Variants in FSTL4 observed in about 807,000 individuals in gnomAD.
FSTL4 encodes follistatin like 4.
FSTL4 carries 28 observed loss-of-function variants against 78.2 expected under a neutral mutation model. That is an observed-to-expected ratio of 0.36 (90% CI 0.27 to 0.49). The LOEUF (loss-of-function observed/expected upper bound fraction) is 0.49. Among genes scored for constraint, FSTL4 ranks in the 20% least tolerant of loss-of-function variants. FSTL4 has a pLI of 0.98. For synonymous variants in FSTL4, 422 were observed against 440.5 expected (o/e 0.96, Z 0.53); for missense variants, 922 against 1,084.9 (o/e 0.85, Z 2.11).
At chr5:133,284,873 G>A (rs1470896941) in intron 6 of FSTL4, among the ~76,000 whole-genome samples, 1 of 152,212 alleles carries the variant, frequency 6.6e-6, no homozygotes, top group Non-Finnish European at 1.5e-5. Context: ...GGGTAGGGGA[G>A]TAAACAGACC....
chr5:133,424,446 C>T (rs1483173603), intron 3 of FSTL4, among the ~76,000 whole-genome samples: 1 of 152,130 alleles, frequency 6.6e-6, no homozygotes, highest in Non-Finnish European at 1.5e-5. Context: ...GTATTCAATA[C>T]CTTAGAGACA....
At chr5:133,395,882 C>T (rs1177285761) in intron 4 of FSTL4, among the ~76,000 whole-genome samples, 1 of 152,166 alleles carries the variant, frequency 6.6e-6, no homozygotes, top group African/African-American at 2.4e-5. Flanking sequence ...TCCTGAGAGC[C>T]CGGAGGTACA....
intron 6 of FSTL4, among the ~76,000 whole-genome samples, chr5:133,255,251 G>A (rs1463197545): frequency 1.3e-5 from 2 of 152,244 alleles, no homozygotes; most frequent in Admixed American, 6.5e-5. Flanking sequence ...AGAGGGCTGG[G>A]TTGGGGGTCA....
chr5:133,259,576 G>T (rs889266615), intron 6 of FSTL4, among the ~76,000 whole-genome samples: 1 of 148,266 alleles, frequency 6.7e-6, no homozygotes, highest in South Asian at 2.1e-4. Context: ...TGGAGTGCGC[G>T]GCACGATCTT....
the FSTL4 span, among the ~76,000 whole-genome samples, chr5:133,695,704 G>T: frequency 6.6e-6 from 1 of 152,178 alleles, no homozygotes; most frequent in Admixed American, 6.5e-5. Flanking sequence ...CTCAGAGCCA[G>T]GTACTGCTCC....
intron 6 of FSTL4, among the ~76,000 whole-genome samples, chr5:133,274,397 A>G (rs201230902): frequency 2.1e-3 from 16 of 7,746 alleles, no homozygotes; most frequent in South Asian, 6.1e-3. Flanking sequence ...TTTTTTTTTT[A>G]GGAGAACAGC....
chr5:133,610,424 G>A (rs1363846685), intron 1 of FSTL4, among the ~76,000 whole-genome samples: 1 of 152,236 alleles, frequency 6.6e-6, no homozygotes, highest in Non-Finnish European at 1.5e-5. Context: ...TCAGTCTGAA[G>A]TCTTTGGAGA....
chr5:133,827,022 C>T, the FSTL4 span, among the ~76,000 whole-genome samples: 1 of 152,254 alleles, frequency 6.6e-6, no homozygotes, highest in Admixed American at 6.5e-5. Context: ...GACAGTCCCG[C>T]CCCAGGCCCA....
the FSTL4 span, among the ~76,000 whole-genome samples, chr5:133,752,291 C>T: frequency 2.0e-5 from 3 of 152,166 alleles, no homozygotes; most frequent in South Asian, 2.1e-4. Flanking sequence ...GCACTATGGG[C>T]CCCTGGCTCA....
At chr5:133,467,148 ATGTG>A (rs772212857) in intron 3 of FSTL4, among the ~76,000 whole-genome samples, 11 of 149,354 alleles carry the variant, frequency 7.4e-5, no homozygotes, top group East Asian at 2.0e-4. Context: ...GTATATGTGT[ATGTG>A]TGTGAGAGTG....
intron 4 of FSTL4, among the ~76,000 whole-genome samples, chr5:133,399,579 G>A (rs1253278758): frequency 2.0e-5 from 3 of 152,190 alleles, no homozygotes; most frequent in South Asian, 2.1e-4. Flanking sequence ...ATCCGCCTCC[G>A]CTCAGGTGTG....
At chr5:133,450,334 G>A (rs891998067) in intron 3 of FSTL4, among the ~76,000 whole-genome samples, 29 of 152,344 alleles carry the variant, frequency 1.9e-4, no homozygotes, top group African/African-American at 5.8e-4. Context: ...TGAACCTACT[G>A]AGCCCAGAGT....
At chr5:133,223,047 G>A (rs1751200335) in intron 11 of FSTL4, among the ~76,000 whole-genome samples, 1 of 152,166 alleles carries the variant, frequency 6.6e-6, no homozygotes, top group African/African-American at 2.4e-5. Flanking sequence ...ACATTCCATG[G>A]GGCCTCTTGC....
At chr5:133,781,082 C>T in the FSTL4 span, among the ~76,000 whole-genome samples, 2 of 152,216 alleles carry the variant, frequency 1.3e-5, no homozygotes, top group African/African-American at 2.4e-5. Flanking sequence ...CTTCCTCTGA[C>T]TCTTCACTGC....
intron 4 of FSTL4, among the ~76,000 whole-genome samples, chr5:133,374,233 G>A (rs1317955312): frequency 1.3e-5 from 2 of 152,218 alleles, no homozygotes; most frequent in Admixed American, 6.5e-5. Flanking sequence ...GTGGTTAGAT[G>A]TGCAACTTTC....
intron 2 of FSTL4, among the ~76,000 whole-genome samples, chr5:133,599,827 C>T (rs1001519756): frequency 6.6e-6 from 1 of 151,446 alleles, no homozygotes; most frequent in South Asian, 2.1e-4. Context: ...GCTCCCGCCA[C>T]AGCACCCAGG....
At chr5:133,827,206 T>C in the FSTL4 span, among the ~76,000 whole-genome samples, 3 of 152,194 alleles carry the variant, frequency 2.0e-5, no homozygotes, top group Non-Finnish European at 4.4e-5. Flanking sequence ...GCAGCACCAA[T>C]AGGTCTCCAT....
chr5:133,798,990 A>AGGAAGGGAGGGAGGGATGGAGGG, the FSTL4 span, among the ~76,000 whole-genome samples: 1 of 67,876 alleles, frequency 1.5e-5, no homozygotes, highest in African/African-American at 7.7e-5. Context: ...GGGAGGGAGG[A>AGGAAGGGAGGGAGGGATGGAGGG]AGGGAGGGAG....
chr5:133,608,317 A>G (rs747936088), intron 1 of FSTL4, among the ~76,000 whole-genome samples: 6 of 152,236 alleles, frequency 3.9e-5, no homozygotes, highest in Non-Finnish European at 4.4e-5. Context: ...TTGATGCTTT[A>G]ACCATCTTGT....
Sources: allele counts gnomAD v4.1 joint callset (sites outside exome capture counted in the v4.1 genomes callset), GRCh38; gene constraint gnomAD v4.1.1; transcripts MANE v1.5; gene names NCBI Gene and HGNC (gene_info 2026-07-23, HGNC 2026-07-21).